Variants in CDH3 observed in about 807,000 individuals in gnomAD.
The protein encoded by CDH3 is cadherin 3.
Under a neutral mutation model 82.0 loss-of-function variants are expected in CDH3, and 54 were observed. The observed-to-expected ratio is 0.66, with a 90% CI of 0.53 to 0.83. The LOEUF is 0.83. Among genes scored for constraint, CDH3 ranks in the 40% least tolerant of loss-of-function variants. CDH3 has a pLI of 0.00. For synonymous variants in CDH3, 446 were observed against 437.9 expected, an observed-to-expected ratio of 1.02 and a Z score of -0.23; for missense variants, 1,054 against 1,084.6, an observed-to-expected ratio of 0.97 and a Z score of 0.40.
chr16:68,723,482 G>T (rs904876401), intron 2 of CDH3, among the ~76,000 whole-genome samples: 4 of 152,170 alleles, frequency 2.6e-5, no homozygotes, highest in Non-Finnish European at 4.4e-5. Flanking sequence ...CAATATCATG[G>T]TTCTTAGAGG....
At position 68,687,718 on chromosome 16, in the gene CDH3, G is replaced by A. The variant is rs1961455853; in HGVS notation, c.1777G>A (p.Ala593Thr). Residue 593 changes from alanine to threonine, a missense_variant, in exon 12 of 16, where the codon GCA becomes ACA. Ala to Thr is a moderately conservative substitution (Grantham distance 58, BLOSUM62 0). Transcript: ENST00000264012. ...LTDDSDIYWT[A>T]EVNEEGDTVV... ...AGATGACTCAGACATCTACTGGACG[G>A]CAGAGGTCAACGAGGAAGGTACCTG... The A allele has an allele frequency of 6.2e-7, 1 of 1,613,790 alleles. No homozygotes were observed. Among genetic ancestry groups the A allele is most frequent in the African/African-American group, 1.3e-5 (1 of 75,038 alleles).
chr16:68,711,015 A>AGGGGG (rs1962022535), intron 1 of CDH3, among the ~76,000 whole-genome samples: 2 of 12,216 alleles, frequency 1.6e-4, no homozygotes, highest in Non-Finnish European at 3.3e-4. Context: ...AGGGGAGGGG[A>AGGGGG]GGGGAGGGGA....
intron 2 of CDH3, among the ~76,000 whole-genome samples, chr16:68,667,706 C>G (rs2152095492): frequency 6.6e-6 from 1 of 152,274 alleles, no homozygotes; most frequent in Non-Finnish European, 1.5e-5. Context: ...CCCAATAGCT[C>G]TAGTACCCCA....
chr16:68,665,408 TAATA>T (rs1232838339), intron 2 of CDH3, among the ~76,000 whole-genome samples: 2 of 151,980 alleles, frequency 1.3e-5, no homozygotes, highest in Non-Finnish European at 2.9e-5. Flanking sequence ...TCTCAAAAAA[TAATA>T]AATAAATAAA....
rs1390559802 is a variant in CDH3 at position 68,678,513 on chromosome 16, A to T, written c.403A>T (p.Lys135Ter). The change falls in exon 5 of 16, where the codon AAA becomes TAA. Residue 135 changes from lysine to a stop codon, truncating the protein, a stop_gained. Coordinates refer to ENST00000264012, the MANE Select transcript of CDH3 (RefSeq NM_001793.6). LOFTEE classifies it high-confidence loss of function. ...PQRLNQLKSN[K>*]DRDTKIFYSI... The stretch of plus-strand genomic sequence containing the variant: ...CTTTTCCCTCCAGCTCAAGTCTAAT[A>T]AAGATAGAGACACCAAGATTTTCTA... 2.5e-6 allele frequency: 4 copies of T among 1,614,118 alleles called. No homozygotes were observed. Among genetic ancestry groups the T allele is most frequent in the Non-Finnish European group, 3.4e-6 (4 of 1,180,050 alleles).
chr16:68,696,270 T>G (rs966150122), intron 15 of CDH3: 1 of 348,002 alleles, frequency 2.9e-6, no homozygotes, highest in African/African-American at 2.2e-5. Context: ...AATACAAAAA[T>G]TAGCCAGGCA....
chr16:68,717,687 C>T (rs769905398), intron 1 of CDH3, among the ~76,000 whole-genome samples: 10 of 151,616 alleles, frequency 6.6e-5, no homozygotes, highest in African/African-American at 1.2e-4. Flanking sequence ...GCAGGAGAAT[C>T]GCTTGAACCT....
downstream of CDH3, among the ~76,000 whole-genome samples, chr16:68,700,802 C>T (rs1286730119): frequency 8.5e-5 from 13 of 152,172 alleles, no homozygotes; most frequent in African/African-American, 2.6e-4. Context: ...TGCAGTGAGC[C>T]GAGATCACGC....
chr16:68,678,413 A>T, intron 4 of CDH3, 88 bp from the exon 5 acceptor site: 1 of 1,584,272 alleles, frequency 6.3e-7, no homozygotes, highest in Non-Finnish European at 8.7e-7. Context: ...AGATTCTCCT[A>T]TGGCAGTGCC....
At chr16:68,661,244 A>T (rs550928941) in intron 2 of CDH3, among the ~76,000 whole-genome samples, 1 of 152,366 alleles carries the variant, frequency 6.6e-6, no homozygotes, top group East Asian at 1.9e-4. Context: ...TATCTGTATT[A>T]TAATGTATAG....
intron 1 of CDH3, among the ~76,000 whole-genome samples, chr16:68,712,032 GTTTTC>G (rs1415313089): frequency 1.2e-5 from 1 of 86,064 alleles, no homozygotes; most frequent in Non-Finnish European, 2.3e-5. Flanking sequence ...GGGTTTTTTT[GTTTTC>G]TTTTTTTTTT....
chr16:68,678,542 C>T lies in CDH3; in HGVS notation c.432C>T (p.Ser144=). 6.2e-7 allele frequency: 1 copy of T among 1,614,250 alleles called. No homozygotes were observed. Among genetic ancestry groups the T allele is most frequent in the Non-Finnish European group, 8.5e-7 (1 of 1,180,044 alleles). The part of the protein sequence containing the change: ...NKDRDTKIFY[S]ITGPGADSPP... ...ATAGAGACACCAAGATTTTCTACAG[C>T]ATCACGGGGCCGGGGGCAGACAGCC... The change falls in exon 5 of 16, where the codon AGC becomes AGT. Residue 144 remains serine, a synonymous_variant. Coordinates refer to ENST00000264012, the MANE Select transcript of CDH3 (RefSeq NM_001793.6).
intron 12 of CDH3, among the ~76,000 whole-genome samples, chr16:68,688,444 C>T (rs755380717): frequency 7.9e-5 from 12 of 151,922 alleles, no homozygotes; most frequent in Non-Finnish European, 1.6e-4. Context: ...AAAAATTAGC[C>T]AGGCATGGTG....
At position 68,707,093 on chromosome 16, in the gene CDH3, G is replaced by C. The variant is rs368726064; in HGVS notation, c.99+11170G>C. Among the ~76,000 whole-genome samples the C allele has an allele frequency of 6.6e-6, 1 of 152,184 alleles. No homozygotes were observed. Among genetic ancestry groups the C allele is most frequent in the Admixed American group, 6.5e-5 (1 of 15,274 alleles). ...CAGGGAAGGCACTGCTGGGAAGGTGGCATTTGGACAAAGACTGGAGGCTAT... is the reference window on the plus strand; with the variant it reads ...CAGGGAAGGCACTGCTGGGAAGGTGCCATTTGGACAAAGACTGGAGGCTAT... On this transcript the variant is annotated intron_variant, in intron 1 of 2. Coordinates refer to the CDH3 transcript ENST00000569080. The surrounding 1 kb of genome is among the most constrained non-coding windows in gnomAD (Gnocchi z 4.5).
chr16:68,721,888 G>A (rs1186784409), intron 1 of CDH3, among the ~76,000 whole-genome samples: 2 of 152,054 alleles, frequency 1.3e-5, no homozygotes, highest in East Asian at 1.9e-4. Context: ...TCAGGAGTTC[G>A]AGACCAGCCT....
chr16:68,715,310 C>G (rs989312824), intron 1 of CDH3, among the ~76,000 whole-genome samples: 1 of 151,692 alleles, frequency 6.6e-6, no homozygotes, highest in Admixed American at 6.6e-5. Flanking sequence ...CCCTGTAGTC[C>G]CAGCTACTCG....
chr16:68,693,212 C>T (rs531260712), intron 13 of CDH3, among the ~76,000 whole-genome samples: 16 of 152,292 alleles, frequency 1.1e-4, no homozygotes, highest in African/African-American at 3.8e-4. Context: ...CTGGGTAGAA[C>T]TGAAAGTTAT....
chr16:68,731,384 AAAAAAAAAAAAATATATAT>A (rs1312192101), downstream of CDH3, among the ~76,000 whole-genome samples: 3 of 26,554 alleles, frequency 1.1e-4, 1 homozygote, highest in Non-Finnish European at 7.3e-5. Flanking sequence ...AAAAAAAAAA[AAAAAAAAAAAAATATATAT>A]ATATATATAT....
At chr16:68,645,574 G>A in intron 1 of CDH3, 62 bp from the exon 2 acceptor site, 6 of 1,455,914 alleles carry the variant, frequency 4.1e-6, no homozygotes, top group Non-Finnish European at 5.6e-6. Flanking sequence ...CCTGCGGTGT[G>A]GGGAGTGCAG....
Sources: gnomAD v4.1 joint callset for allele counts (sites outside exome capture counted in the v4.1 genomes callset) on GRCh38, gnomAD v4.1.1 for gene constraint, Gnocchi (gnomAD v3.1) non-coding constraint, MANE v1.5 for transcripts, NCBI Gene and HGNC (gene_info 2026-07-23, HGNC 2026-07-21) for gene names.